Variants in GAB2 observed in about 807,000 individuals in gnomAD.
GAB2 encodes GRB2-associated-binding protein 2.
A neutral mutation model predicts 65.5 loss-of-function variants in GAB2; 26 were observed. The observed-to-expected ratio is 0.40, with a 90% confidence interval of 0.29 to 0.55. GAB2 has a LOEUF of 0.55. GAB2 is among the 20% of genes least tolerant of loss of function. The pLI, the probability that GAB2 is intolerant of heterozygous loss-of-function variation, is 0.53. For missense variants in GAB2, 884 were observed against 875.8 expected, an observed-to-expected ratio of 1.01 and a Z score of -0.12; for synonymous variants, 321 against 329.6, an observed-to-expected ratio of 0.97 and a Z score of 0.28.
chr11:78,312,486 C>T (rs1855520959), intron 1 of GAB2, among the ~76,000 whole-genome samples: 4 of 152,206 alleles, frequency 2.6e-5, no homozygotes. Context: ...AGTGCAGTGG[C>T]ACGATCTCAG....
At chr11:78,372,537 G>C (rs1489655973) in intron 1 of GAB2, among the ~76,000 whole-genome samples, 49 of 152,158 alleles carry the variant, frequency 3.2e-4, no homozygotes, top group Admixed American at 2.6e-3. Context: ...AAGAATTCCT[G>C]ATTTATCAGC....
chr11:78,219,502 C>T, intron 9 of GAB2, 87 bp from the exon 10 acceptor site: 3 of 1,252,816 alleles, frequency 2.4e-6, no homozygotes, highest in East Asian at 4.6e-5. Context: ...TCTTCCTGAG[C>T]TGTCTGAAGG....
intron 1 of GAB2, among the ~76,000 whole-genome samples, chr11:78,401,234 T>C (rs1019086068): frequency 9.2e-5 from 14 of 152,126 alleles, no homozygotes; most frequent in African/African-American, 2.7e-4. Flanking sequence ...TTACCACCAA[T>C]GTCCAGAACC....
intron 2 of GAB2, among the ~76,000 whole-genome samples, chr11:78,256,273 A>G (rs924865725): frequency 6.6e-6 from 1 of 152,250 alleles, no homozygotes. Context: ...AACCTTCAAA[A>G]TATTACGCTA....
At chr11:78,357,469 G>A (rs887856100) in intron 1 of GAB2, among the ~76,000 whole-genome samples, 11 of 152,168 alleles carry the variant, frequency 7.2e-5, no homozygotes, top group African/African-American at 2.2e-4. Context: ...CCATCAGAAT[G>A]AACAGGCAAC....
intron 1 of GAB2, among the ~76,000 whole-genome samples, chr11:78,387,567 A>G (rs1268718246): frequency 6.6e-6 from 1 of 152,140 alleles, no homozygotes; most frequent in Non-Finnish European, 1.5e-5. Flanking sequence ...CTGCTTAATC[A>G]TTACATAACA....
intron 1 of GAB2, among the ~76,000 whole-genome samples, chr11:78,394,566 A>T (rs1164235687): frequency 6.6e-6 from 1 of 152,244 alleles, no homozygotes; most frequent in Non-Finnish European, 1.5e-5. Flanking sequence ...TAAAAAGTGT[A>T]ATGTCTTGTG....
chr11:78,260,401 T>C (rs1465187456), intron 2 of GAB2, among the ~76,000 whole-genome samples: 2 of 152,352 alleles, frequency 1.3e-5, no homozygotes, highest in African/African-American at 4.8e-5. Context: ...ACAACCTTCT[T>C]TGGCTCGAGG....
intron 3 of GAB2, among the ~76,000 whole-genome samples, chr11:78,238,537 TA>T (rs61625813): frequency 1.9e-3 from 262 of 134,614 alleles, no homozygotes; most frequent in Middle Eastern, 3.8e-3. Context: ...TAAACTAGAT[TA>T]AAAAAAAAAA....
At chr11:78,337,544 G>T (rs1337915509) in intron 1 of GAB2, among the ~76,000 whole-genome samples, 4 of 152,202 alleles carry the variant, frequency 2.6e-5, no homozygotes, top group Non-Finnish European at 4.4e-5. Context: ...AGGGAAAAGA[G>T]AAAGAAGGTG....
intron 1 of GAB2, among the ~76,000 whole-genome samples, chr11:78,311,415 C>A (rs1263043648): frequency 6.6e-6 from 1 of 151,048 alleles, no homozygotes; most frequent in Non-Finnish European, 1.5e-5. Context: ...TTTTTTCTTT[C>A]CCTAAAGAAT....
chr11:78,319,802 G>A (rs1855686507), intron 1 of GAB2, among the ~76,000 whole-genome samples: 1 of 152,012 alleles, frequency 6.6e-6, no homozygotes, highest in Admixed American at 6.6e-5. Context: ...TGAGGATACA[G>A]CAGTAAACAA....
chr11:78,364,642 C>T, intron 1 of GAB2, among the ~76,000 whole-genome samples: 1 of 152,058 alleles, frequency 6.6e-6, no homozygotes, highest in Non-Finnish European at 1.5e-5. Flanking sequence ...AATAGCCATC[C>T]CCCCAAATTC....
At chr11:78,336,131 T>C (rs1565164271) in intron 1 of GAB2, among the ~76,000 whole-genome samples, 1 of 151,672 alleles carries the variant, frequency 6.6e-6, no homozygotes, top group Admixed American at 6.6e-5. Flanking sequence ...CTGGCTGACA[T>C]GGTGAAATCC....
At chr11:78,301,420 C>T (rs1206197734) in intron 1 of GAB2, among the ~76,000 whole-genome samples, 1 of 151,100 alleles carries the variant, frequency 6.6e-6, no homozygotes. Flanking sequence ...ACCTCTGCCT[C>T]CCAAGTTCAA....
At chr11:78,341,209 T>G (rs73500930) in intron 1 of GAB2, among the ~76,000 whole-genome samples, 12,928 of 152,246 alleles carry the variant, frequency 0.085, 1,683 homozygotes, top group African/African-American at 0.29. Context: ...TTATTGGATA[T>G]ATTCATTTAT....
intron 1 of GAB2, among the ~76,000 whole-genome samples, chr11:78,376,829 T>C (rs936535449): frequency 3.3e-5 from 5 of 152,146 alleles, no homozygotes; most frequent in Non-Finnish European, 5.9e-5. Context: ...ACAGTTGGGA[T>C]ATTTGTCCCC....
intron 1 of GAB2, among the ~76,000 whole-genome samples, chr11:78,357,000 G>A (rs1385226560): frequency 6.6e-6 from 1 of 152,210 alleles, no homozygotes; most frequent in Non-Finnish European, 1.5e-5. Context: ...GGGTTGGTGA[G>A]TAGGGGGTAA....
Position 78,225,061 on chromosome 11 carries a change from T to C in GAB2, c.1302+47A>G, listed in dbSNP as rs1049066251. Reference sequence around the variant, plus strand: ...TTTAATTCCATAAGGTGTGACCTTTTACCTAACCAGGCCGGCCTGAGGACC... The same window carrying C: ...TTTAATTCCATAAGGTGTGACCTTTCACCTAACCAGGCCGGCCTGAGGACC... On this transcript the variant is annotated intron_variant, in intron 5 of 9. Transcript: ENST00000361507. 3.3e-6 allele frequency: 4 copies of C among 1,220,810 alleles called. No individual in the cohort carries two copies. The African/African-American group carries it at 6.0e-5, about 18-fold the overall frequency. The allele number at this position is 1,220,810 out of a possible 1,614,324, so 75.6% of individuals were successfully genotyped here. A position where few individuals can be genotyped will look rare whatever the true frequency, so the allele number is the denominator to read the frequency against.
Sources: gnomAD v4.1 joint callset for allele counts (sites outside exome capture counted in the v4.1 genomes callset) on GRCh38, gnomAD v4.1.1 for gene constraint, MANE v1.5 for transcripts, NCBI Gene and HGNC (gene_info 2026-07-23, HGNC 2026-07-21) for gene names.